EDA: variants seen among roughly 807,000 people sequenced by gnomAD.
EDA encodes the protein ectodysplasin A.
Under a neutral mutation model 23.6 loss-of-function variants are expected in EDA, and 2 were observed. The ratio of observed to expected loss-of-function variants is 0.08; its 90% CI spans 0.03 to 0.27. EDA has a LOEUF of 0.27. Among genes scored for constraint, EDA ranks in the 10% least tolerant of loss-of-function variants. EDA has a pLI of 1.00. For missense variants in EDA, 229 were observed against 324.2 expected (o/e 0.71, Z 2.26); for synonymous variants, 131 against 132.0 (o/e 0.99, Z 0.05).
chrX:69,901,515 T>G (rs1287321067), intron 1 of EDA, among the ~76,000 whole-genome samples: 2 of 111,703 alleles, frequency 1.8e-5, no homozygotes, highest in African/African-American at 3.3e-5. Flanking sequence ...TGGCACAGGT[T>G]TTATGTCTAA....
At chrX:69,819,191 A>G (rs1418535032) in intron 1 of EDA, among the ~76,000 whole-genome samples, 3 of 112,263 alleles carry the variant, frequency 2.7e-5, no homozygotes, top group African/African-American at 9.7e-5. Context: ...AAAACTCTTA[A>G]TAAACTAGAT....
intron 1 of EDA, among the ~76,000 whole-genome samples, chrX:69,866,950 G>A (rs180746279): frequency 1.4e-3 from 160 of 112,340 alleles, no homozygotes; most frequent in African/African-American, 5.0e-3. Flanking sequence ...ATTGTGTGGA[G>A]GATAGGTAAA....
intron 1 of EDA, among the ~76,000 whole-genome samples, chrX:69,782,379 A>AC (rs2147448033): frequency 9.4e-6 from 1 of 106,642 alleles, no homozygotes; most frequent in African/African-American, 3.4e-5. Context: ...AAAAAAAAAA[A>AC]AAAAAAAAAA....
chrX:69,885,556 C>A (rs1340396728), intron 1 of EDA, among the ~76,000 whole-genome samples: 1 of 112,010 alleles, frequency 8.9e-6, no homozygotes, highest in Non-Finnish European at 1.9e-5. Flanking sequence ...AGAGTGCCAT[C>A]AACAAGATCG....
At chrX:70,018,222 C>A in intron 2 of EDA, among the ~76,000 whole-genome samples, 1 of 112,239 alleles carries the variant, frequency 8.9e-6, no homozygotes, top group Non-Finnish European at 1.9e-5. Context: ...ATGGAAAAAA[C>A]ATTCCATGTT....
At chrX:69,692,610 G>A (rs1934744164) in intron 1 of EDA, among the ~76,000 whole-genome samples, 1 of 112,048 alleles carries the variant, frequency 8.9e-6, no homozygotes. Context: ...GGATTGTTGA[G>A]AAATTTTAAT....
intron 1 of EDA, among the ~76,000 whole-genome samples, chrX:69,903,006 ACT>A (rs773590690): frequency 8.9e-6 from 1 of 111,973 alleles, no homozygotes; most frequent in East Asian, 2.8e-4. Context: ...ATGTTAAGTC[ACT>A]CTTTTTTTGT....
chrX:69,677,707 G>T (rs1285403619), intron 1 of EDA, among the ~76,000 whole-genome samples: 1 of 111,763 alleles, frequency 8.9e-6, no homozygotes, highest in East Asian at 2.8e-4. Context: ...TGAGTTCATT[G>T]TAGATTCTGG....
intron 1 of EDA, among the ~76,000 whole-genome samples, chrX:69,800,696 A>T (rs916062557): frequency 1.8e-5 from 2 of 111,896 alleles, no homozygotes; most frequent in African/African-American, 6.5e-5. Context: ...ATTAACCATC[A>T]TAATCCATTT....
chrX:69,993,466 T>G (rs1197064668), intron 2 of EDA, among the ~76,000 whole-genome samples: 2 of 111,835 alleles, frequency 1.8e-5, no homozygotes. Context: ...GCAATAACTT[T>G]GAGAAAGAAA....
intron 1 of EDA, among the ~76,000 whole-genome samples, chrX:69,654,634 C>G (rs1933235729): frequency 9.0e-6 from 1 of 111,407 alleles, no homozygotes; most frequent in Non-Finnish European, 1.9e-5. Flanking sequence ...ATGATGAGTT[C>G]ATGTCCTTTG....
At chrX:69,837,641 T>C (rs944828366) in intron 1 of EDA, among the ~76,000 whole-genome samples, 8 of 112,527 alleles carry the variant, frequency 7.1e-5, no homozygotes, top group East Asian at 5.6e-4. Context: ...AGTAGCTCAA[T>C]TGAAAGTCAA....
At chrX:69,721,495 G>C (rs146181462) in intron 1 of EDA, among the ~76,000 whole-genome samples, 126 of 111,598 alleles carry the variant, frequency 1.1e-3, no homozygotes, top group African/African-American at 3.8e-3. Flanking sequence ...GTATGTCTTG[G>C]GGGCAAAGGG....
intron 1 of EDA, among the ~76,000 whole-genome samples, chrX:69,747,744 G>T (rs947544237): frequency 2.7e-5 from 3 of 111,765 alleles, no homozygotes; most frequent in Non-Finnish European, 1.9e-5. Context: ...GTTAGATGGG[G>T]GGATAGAGAA....
At chrX:69,711,172 T>C (rs1182618868) in intron 1 of EDA, among the ~76,000 whole-genome samples, 1 of 111,561 alleles carries the variant, frequency 9.0e-6, no homozygotes, top group East Asian at 2.8e-4. Context: ...GTCCCATCAA[T>C]ACCTAACTTA....
At chrX:69,695,926 C>T (rs2011325167) in intron 1 of EDA, among the ~76,000 whole-genome samples, 1 of 111,040 alleles carries the variant, frequency 9.0e-6, no homozygotes, top group African/African-American at 3.3e-5. Flanking sequence ...AAAGAAAGAA[C>T]TCTCAAAATT....
chrX:69,832,744 A>T lies in EDA; in HGVS notation c.397-124283A>T, dbSNP rs188587254. ...CAGTGGTTTGTAGTTCTCCTTGAAG[A>T]GGTCCTTCACATCCCTTGTAAGTTG... On this transcript the variant is annotated intron_variant, in intron 1 of 7. Transcript: ENST00000374552. Among the ~76,000 whole-genome samples, 13 of 111,269 alleles carry T rather than the reference A, an allele frequency of 1.2e-4. No individual in the cohort carries two copies. The East Asian group carries it at 3.7e-3, about 31-fold the overall frequency.
At chrX:69,820,185 A>G (rs2016184019) in intron 1 of EDA, among the ~76,000 whole-genome samples, 1 of 112,045 alleles carries the variant, frequency 8.9e-6, no homozygotes, top group African/African-American at 3.2e-5. Flanking sequence ...AGTTCTATCT[A>G]GCCATATGTG....
chrX:69,639,318 A>G (rs1012611433), intron 1 of EDA, among the ~76,000 whole-genome samples: 10 of 111,585 alleles, frequency 9.0e-5, no homozygotes, highest in Non-Finnish European at 1.9e-4. Flanking sequence ...GTAATTCTAC[A>G]TTTAACTTAC....
Sources: gnomAD v4.1 joint callset for allele counts (sites outside exome capture counted in the v4.1 genomes callset) on GRCh38, gnomAD v4.1.1 for gene constraint, MANE v1.5 for transcripts, NCBI Gene and HGNC (gene_info 2026-07-23, HGNC 2026-07-21) for gene names.